OPCML: variants seen among roughly 807,000 people sequenced by gnomAD.
The protein encoded by OPCML is opioid binding protein/cell adhesion molecule like, also known as opioid-binding protein/cell adhesion molecule.
Under a neutral mutation model 37.8 loss-of-function variants are expected in OPCML, and 13 were observed. That is an observed-to-expected ratio of 0.34 (90% confidence interval 0.22 to 0.55). The LOEUF is 0.55. OPCML is among the 20% of genes least tolerant of loss of function. The pLI is 0.91. For synonymous variants in OPCML, 176 were observed against 168.8 expected, an observed-to-expected ratio of 1.04 and a Z score of -0.33; for missense variants, 341 against 435.6, an observed-to-expected ratio of 0.78 and a Z score of 1.93.
intron 1 of OPCML, among the ~76,000 whole-genome samples, chr11:133,528,068 G>T (rs943645776): frequency 3.9e-5 from 6 of 152,214 alleles, no homozygotes; most frequent in African/African-American, 1.4e-4. Flanking sequence ...GTGGCCAAGG[G>T]TGCTAAGAAT....
At chr11:133,061,144 G>C (rs926977854) in intron 1 of OPCML, among the ~76,000 whole-genome samples, 1 of 152,200 alleles carries the variant, frequency 6.6e-6, no homozygotes, top group Non-Finnish European at 1.5e-5. Context: ...AGGATTACAA[G>C]AGTGTATCAC....
chr11:132,494,359 GA>G (rs1378543657), intron 4 of OPCML, among the ~76,000 whole-genome samples: 1 of 152,110 alleles, frequency 6.6e-6, no homozygotes, highest in Non-Finnish European at 1.5e-5. Flanking sequence ...TGGGCATTTT[GA>G]AAAAGTATGA....
intron 2 of OPCML, among the ~76,000 whole-genome samples, chr11:132,810,010 C>T (rs1001505028): frequency 1.3e-5 from 2 of 151,990 alleles, no homozygotes; most frequent in African/African-American, 2.4e-5. Context: ...CCACCACGCC[C>T]GGCTAATTTT....
At position 132,872,752 on chromosome 11, in the gene OPCML, C is replaced by T. The variant is rs145739385; in HGVS notation, c.146+70174G>A. Among the ~76,000 whole-genome samples, 508 of 152,158 alleles carry T rather than the reference C, an allele frequency of 3.3e-3. 2 individuals are homozygous for T. Among genetic ancestry groups the T allele is most frequent in the African/African-American group, 0.011 (474 of 41,512 alleles). Reference sequence around the variant, plus strand: ...AAACTCCTATCTGTAAGAATGTGAGCGGGTGAATAAAAGAGTGTATGAAGA... The same window carrying T: ...AAACTCCTATCTGTAAGAATGTGAGTGGGTGAATAAAAGAGTGTATGAAGA... On this transcript the variant is annotated intron_variant, in intron 2 of 7. Transcript: ENST00000524381.
At chr11:133,370,429 T>C (rs1223601747) in intron 1 of OPCML, among the ~76,000 whole-genome samples, 3 of 141,906 alleles carry the variant, frequency 2.1e-5, no homozygotes, top group Non-Finnish European at 4.5e-5. Context: ...ACATCAATAA[T>C]GAATGAGCCT....
intron 1 of OPCML, among the ~76,000 whole-genome samples, chr11:133,146,546 C>T (rs1949900126): frequency 6.6e-6 from 1 of 152,148 alleles, no homozygotes; most frequent in African/African-American, 2.4e-5. Context: ...AACTCCTGAC[C>T]TTGTGACTTG....
chr11:132,987,082 C>T (rs995704924), intron 1 of OPCML, among the ~76,000 whole-genome samples: 1 of 152,140 alleles, frequency 6.6e-6, no homozygotes, highest in African/African-American at 2.4e-5. Flanking sequence ...TCCCTCTTCA[C>T]CTCTTCTTTC....
chr11:133,432,534 C>T (rs1338251208), intron 1 of OPCML, among the ~76,000 whole-genome samples: 1 of 151,984 alleles, frequency 6.6e-6, no homozygotes, highest in Non-Finnish European at 1.5e-5. Flanking sequence ...AGCCACCATG[C>T]CCAGTTTTTT....
At chr11:133,216,230 CCTTT>C (rs1219222424) in intron 1 of OPCML, among the ~76,000 whole-genome samples, 1 of 152,150 alleles carries the variant, frequency 6.6e-6, no homozygotes, top group Non-Finnish European at 1.5e-5. Flanking sequence ...AGGAAGTTCT[CCTTT>C]GTTTGGAGTT....
chr11:132,688,168 GTTTT>G (rs113318678), intron 2 of OPCML, among the ~76,000 whole-genome samples: 1 of 144,836 alleles, frequency 6.9e-6, no homozygotes, highest in South Asian at 2.2e-4. Flanking sequence ...AGGAATCATG[GTTTT>G]TTTTTTTTAT....
chr11:132,937,214 C>G (rs1490446505), intron 2 of OPCML, among the ~76,000 whole-genome samples: 2 of 152,086 alleles, frequency 1.3e-5, no homozygotes, highest in Non-Finnish European at 2.9e-5. Flanking sequence ...GACCGGCTCC[C>G]CAGCTCCCTC....
intron 3 of OPCML, among the ~76,000 whole-genome samples, chr11:132,593,777 G>T (rs1591598916): frequency 6.6e-6 from 1 of 152,100 alleles, no homozygotes; most frequent in Admixed American, 6.6e-5. Context: ...TCAATTAATG[G>T]TTACAACAAG....
chr11:132,984,695 A>C (rs907804315), intron 1 of OPCML, among the ~76,000 whole-genome samples: 8 of 152,148 alleles, frequency 5.3e-5, no homozygotes, highest in Non-Finnish European at 7.3e-5. Flanking sequence ...ACCAAAGACC[A>C]CTGACTGCTG....
chr11:133,465,524 T>C (rs1411291617), intron 1 of OPCML, among the ~76,000 whole-genome samples: 2 of 152,236 alleles, frequency 1.3e-5, no homozygotes, highest in African/African-American at 4.8e-5. Flanking sequence ...TGCTAAGCAC[T>C]GTGCTAGAAT....
intron 3 of OPCML, among the ~76,000 whole-genome samples, chr11:132,650,470 C>T (rs1315283397): frequency 1.3e-5 from 2 of 152,072 alleles, no homozygotes; most frequent in African/African-American, 2.4e-5. Flanking sequence ...GGACATGACG[C>T]CCAGAAAAGT....
At chr11:133,223,796 A>G (rs1312263158) in intron 1 of OPCML, among the ~76,000 whole-genome samples, 1 of 152,140 alleles carries the variant, frequency 6.6e-6, no homozygotes, top group Non-Finnish European at 1.5e-5. Flanking sequence ...CCTAAAATCG[A>G]AGCTCTGTGA....
At chr11:133,282,406 C>T (rs4424678) in intron 1 of OPCML, among the ~76,000 whole-genome samples, 100,213 of 152,166 alleles carry the variant, frequency 0.66, 35,676 homozygotes, top group East Asian at 0.92. Context: ...TTGCACATGG[C>T]GCTAAGTCAG....
At chr11:132,936,611 G>A (rs1412748341) in intron 2 of OPCML, among the ~76,000 whole-genome samples, 1 of 152,078 alleles carries the variant, frequency 6.6e-6, no homozygotes, top group African/African-American at 2.4e-5. Flanking sequence ...GTGGCGCTAG[G>A]TACAGACAGT....
chr11:132,962,302 C>A (rs1047833649), intron 1 of OPCML, among the ~76,000 whole-genome samples: 4 of 152,196 alleles, frequency 2.6e-5, no homozygotes, highest in African/African-American at 4.8e-5. Context: ...CTCAGCCAAT[C>A]CCGGCCCGGG....
Sources: gnomAD v4.1 joint callset for allele counts (sites outside exome capture counted in the v4.1 genomes callset) on GRCh38, gnomAD v4.1.1 for gene constraint, MANE v1.5 for transcripts, NCBI Gene and HGNC (gene_info 2026-07-23, HGNC 2026-07-21) for gene names.